TRHDE: variants seen among roughly 807,000 people sequenced by gnomAD.
TRHDE encodes the protein thyrotropin releasing hormone degrading enzyme.
A neutral mutation model predicts 125.7 loss-of-function variants in TRHDE; 72 were observed. The ratio of observed to expected loss-of-function variants is 0.57; its 90% CI spans 0.47 to 0.70. The LOEUF is 0.70. Among genes scored for constraint, TRHDE ranks in the 30% least tolerant of loss-of-function variants. TRHDE has a pLI of 0.00. For synonymous variants in TRHDE, 509 were observed against 509.1 expected (o/e 1.00, Z 0.00); for missense variants, 1,110 against 1,327.1 (o/e 0.84, Z 2.54).
At chr12:72,338,838 A>G (rs1331279601) in intron 2 of TRHDE, among the ~76,000 whole-genome samples, 4 of 152,194 alleles carry the variant, frequency 2.6e-5, no homozygotes, top group Non-Finnish European at 5.9e-5. Flanking sequence ...TTAGTATATG[A>G]TTTCTCCAAG....
chr12:72,539,557 G>A (rs1328694183), intron 6 of TRHDE, among the ~76,000 whole-genome samples: 1 of 151,846 alleles, frequency 6.6e-6, no homozygotes, highest in Non-Finnish European at 1.5e-5. Flanking sequence ...CAAGTCATGA[G>A]GACACAGTTT....
chr12:72,120,894 G>T (rs768624748), intron 2 of TRHDE, among the ~76,000 whole-genome samples: 1 of 151,666 alleles, frequency 6.6e-6, no homozygotes, highest in Non-Finnish European at 1.5e-5. Context: ...TGGCCAAAAT[G>T]GTCTCGATCT....
At chr12:72,159,904 G>A (rs1876598475) in intron 2 of TRHDE, among the ~76,000 whole-genome samples, 1 of 150,286 alleles carries the variant, frequency 6.7e-6, no homozygotes, top group South Asian at 2.1e-4. Flanking sequence ...ATCTCATTTT[G>A]TTGTCATATT....
chr12:72,647,412 A>C (rs1445835778), intron 15 of TRHDE, among the ~76,000 whole-genome samples: 1 of 152,054 alleles, frequency 6.6e-6, no homozygotes, highest in Non-Finnish European at 1.5e-5. Flanking sequence ...AGATAGAAAA[A>C]GAAGAACAAA....
chr12:72,572,018 C>CACAT (rs1870760820), intron 10 of TRHDE, among the ~76,000 whole-genome samples: 1 of 149,458 alleles, frequency 6.7e-6, no homozygotes, highest in African/African-American at 2.5e-5. Flanking sequence ...CACACACACA[C>CACAT]GATTTATTGC....
intron 2 of TRHDE, among the ~76,000 whole-genome samples, chr12:72,194,307 C>T (rs1877395964): frequency 6.6e-6 from 1 of 152,046 alleles, no homozygotes; most frequent in African/African-American, 2.4e-5. Context: ...ATTGTCACTA[C>T]CTTAGTCTAC....
chr12:72,594,761 T>G (rs1769868492), intron 12 of TRHDE, among the ~76,000 whole-genome samples: 1 of 152,070 alleles, frequency 6.6e-6, no homozygotes, highest in Non-Finnish European at 1.5e-5. Context: ...ATCCCATTAC[T>G]GGGTATATAC....
intron 3 of TRHDE, among the ~76,000 whole-genome samples, chr12:72,396,421 C>T (rs1437568408): frequency 6.6e-6 from 1 of 152,034 alleles, no homozygotes; most frequent in Non-Finnish European, 1.5e-5. Flanking sequence ...CCTCTATAGC[C>T]TATAGGAGAG....
intron 12 of TRHDE, among the ~76,000 whole-genome samples, chr12:72,585,509 A>G (rs1031108213): frequency 6.6e-6 from 1 of 152,222 alleles, no homozygotes; most frequent in African/African-American, 2.4e-5. Flanking sequence ...TGATCTTCTG[A>G]ACCGACCCCT....
chr12:72,626,674 G>T (rs558013622), intron 15 of TRHDE, among the ~76,000 whole-genome samples: 1 of 152,020 alleles, frequency 6.6e-6, no homozygotes, highest in Non-Finnish European at 1.5e-5. Flanking sequence ...CATGGCAAAT[G>T]TCCCTTTGTC....
intron 2 of TRHDE, among the ~76,000 whole-genome samples, chr12:72,199,198 C>T (rs1434815729): frequency 1.3e-5 from 2 of 152,124 alleles, no homozygotes; most frequent in Non-Finnish European, 2.9e-5. Flanking sequence ...TTTCCTTTGA[C>T]TGGAGTGACT....
At chr12:72,546,120 A>T (rs938452020) in intron 7 of TRHDE, among the ~76,000 whole-genome samples, 45 of 151,664 alleles carry the variant, frequency 3.0e-4, no homozygotes, top group African/African-American at 9.7e-4. Flanking sequence ...TTCATCCTAC[A>T]CTTTCCTTGT....
At chr12:72,159,748 T>C (rs1189671237) in intron 2 of TRHDE, among the ~76,000 whole-genome samples, 1 of 152,236 alleles carries the variant, frequency 6.6e-6, no homozygotes, top group East Asian at 1.9e-4. Flanking sequence ...TATTTCTGTA[T>C]GATTTACTCA....
intron 3 of TRHDE, among the ~76,000 whole-genome samples, chr12:72,455,989 A>G (rs1318999434): frequency 1.3e-5 from 2 of 151,820 alleles, no homozygotes; most frequent in African/African-American, 4.8e-5. Context: ...TATATTTCCT[A>G]TACATATATG....
At chr12:72,637,753 T>C (rs1156998136) in intron 15 of TRHDE, among the ~76,000 whole-genome samples, 3 of 152,204 alleles carry the variant, frequency 2.0e-5, no homozygotes, top group African/African-American at 4.8e-5. Flanking sequence ...GCCTTCATTG[T>C]GTTATGTACC....
At chr12:72,304,142 G>A (rs1209160578) in intron 2 of TRHDE, among the ~76,000 whole-genome samples, 3 of 152,002 alleles carry the variant, frequency 2.0e-5, no homozygotes, top group Non-Finnish European at 4.4e-5. Context: ...GACTAATTAC[G>A]CTCCCTTAAT....
intron 2 of TRHDE, among the ~76,000 whole-genome samples, chr12:72,198,765 T>A (rs542677704): frequency 6.6e-6 from 1 of 152,158 alleles, no homozygotes; most frequent in Non-Finnish European, 1.5e-5. Context: ...GGTGAGTGTA[T>A]TAGTCTATTT....
chr12:72,565,613 A>G (rs1006079276), intron 9 of TRHDE, among the ~76,000 whole-genome samples: 3 of 152,164 alleles, frequency 2.0e-5, no homozygotes, highest in Non-Finnish European at 2.9e-5. Context: ...GAATTTTACT[A>G]ACCTCCACAG....
At chr12:72,491,744 A>G (rs1274539740) in intron 5 of TRHDE, among the ~76,000 whole-genome samples, 1 of 151,968 alleles carries the variant, frequency 6.6e-6, no homozygotes, top group Non-Finnish European at 1.5e-5. Flanking sequence ...AGATATTCTT[A>G]TAAAATATAA....
Sources: allele counts gnomAD v4.1 joint callset (sites outside exome capture counted in the v4.1 genomes callset), GRCh38; gene constraint gnomAD v4.1.1; transcripts MANE v1.5; gene names NCBI Gene and HGNC (gene_info 2026-07-23, HGNC 2026-07-21).